Variants in DPP10 observed in about 807,000 individuals in gnomAD.
The protein encoded by DPP10 is dipeptidyl peptidase like 10.
A neutral mutation model predicts 120.9 loss-of-function variants in DPP10; 33 were observed. That is an observed-to-expected ratio of 0.27 (90% CI 0.21 to 0.37). The LOEUF (loss-of-function observed/expected upper bound fraction) is 0.37, where lower values mean the gene tolerates loss of function less well. Ranked by LOEUF, DPP10 falls within the 10% of genes least tolerant of loss-of-function variation. The pLI is 1.00. For synonymous variants in DPP10, 337 were observed against 326.1 expected (o/e 1.03, Z -0.36); for missense variants, 816 against 942.8 (o/e 0.87, Z 1.76).
intron 1 of DPP10, among the ~76,000 whole-genome samples, chr2:114,989,688 A>T (rs2104918380): frequency 6.6e-6 from 1 of 152,326 alleles, no homozygotes; most frequent in Middle Eastern, 3.4e-3. Context: ...GACTGGGGAG[A>T]TTACTTTGAA....
intron 1 of DPP10, among the ~76,000 whole-genome samples, chr2:114,553,711 A>T (rs1688066307): frequency 2.6e-5 from 4 of 152,182 alleles, no homozygotes; most frequent in Admixed American, 2.6e-4. Flanking sequence ...CAGTAGAAAC[A>T]TTTGATTTAT....
chr2:114,556,749 G>A (rs1158024511), intron 1 of DPP10, among the ~76,000 whole-genome samples: 1 of 152,142 alleles, frequency 6.6e-6, no homozygotes, highest in Non-Finnish European at 1.5e-5. Context: ...ATAGATGATG[G>A]AGTCCCAGCA....
At chr2:115,617,926 T>G (rs946801146) in intron 5 of DPP10, among the ~76,000 whole-genome samples, 6 of 152,272 alleles carry the variant, frequency 3.9e-5, no homozygotes, top group African/African-American at 1.4e-4. Flanking sequence ...ATAAAAGCCA[T>G]GTCATTGTGG....
intron 1 of DPP10, among the ~76,000 whole-genome samples, chr2:114,882,387 T>G (rs1184469856): frequency 6.6e-6 from 1 of 152,158 alleles, no homozygotes; most frequent in Non-Finnish European, 1.5e-5. Context: ...GCCATTATTC[T>G]AAGTGAAATA....
At chr2:114,986,955 T>C (rs1700437935) in intron 1 of DPP10, among the ~76,000 whole-genome samples, 3 of 152,136 alleles carry the variant, frequency 2.0e-5, no homozygotes, top group South Asian at 4.2e-4. Flanking sequence ...TTTATTATTA[T>C]TTTTAGTAAA....
At chr2:115,235,592 C>T (rs1220092101) in intron 1 of DPP10, among the ~76,000 whole-genome samples, 1 of 151,964 alleles carries the variant, frequency 6.6e-6, no homozygotes, top group Non-Finnish European at 1.5e-5. Flanking sequence ...GACCGAGTCT[C>T]ACTCTGTTGA....
At chr2:115,088,047 G>C (rs762478589) in intron 1 of DPP10, among the ~76,000 whole-genome samples, 2 of 152,170 alleles carry the variant, frequency 1.3e-5, no homozygotes, top group African/African-American at 2.4e-5. Context: ...TGTCTGGGGA[G>C]AGCCCTCTTC....
chr2:115,722,594 T>C (rs2092674507), intron 7 of DPP10, among the ~76,000 whole-genome samples: 2 of 152,056 alleles, frequency 1.3e-5, no homozygotes, highest in South Asian at 4.1e-4. Flanking sequence ...GTTACTATAT[T>C]GAATATTGTG....
chr2:114,722,547 C>A (rs186978192), intron 1 of DPP10, among the ~76,000 whole-genome samples: 2 of 151,808 alleles, frequency 1.3e-5, no homozygotes, highest in East Asian at 3.9e-4. Flanking sequence ...GAGGCCGAGG[C>A]GGGTGGATCA....
chr2:115,332,620 TTG>T (rs1216531036), intron 2 of DPP10, among the ~76,000 whole-genome samples: 1 of 152,142 alleles, frequency 6.6e-6, no homozygotes, highest in African/African-American at 2.4e-5. Context: ...TTCTGGTATG[TTG>T]TGTGTTTGTT....
chr2:115,709,039 C>T (rs2092227804), intron 7 of DPP10, among the ~76,000 whole-genome samples: 1 of 152,050 alleles, frequency 6.6e-6, no homozygotes, highest in Non-Finnish European at 1.5e-5. Flanking sequence ...TAAAACAAAC[C>T]AACACATAAA....
intron 3 of DPP10, among the ~76,000 whole-genome samples, chr2:115,444,726 T>C (rs115735382): frequency 6.6e-6 from 1 of 152,330 alleles, no homozygotes; most frequent in African/African-American, 2.4e-5. Flanking sequence ...AAGCAGAGAT[T>C]ACTGCAAGTA....
At chr2:115,425,885 A>C (rs1322353406) in intron 3 of DPP10, among the ~76,000 whole-genome samples, 1 of 152,200 alleles carries the variant, frequency 6.6e-6, no homozygotes, top group Admixed American at 6.5e-5. Flanking sequence ...GAGCCATGTC[A>C]CATGGGAAAA....
chr2:114,786,956 T>C (rs1234839471), intron 1 of DPP10, among the ~76,000 whole-genome samples: 1 of 152,124 alleles, frequency 6.6e-6, no homozygotes, highest in African/African-American at 2.4e-5. Flanking sequence ...CCGCAGCATA[T>C]TGAGCCTCTC....
At chr2:114,892,223 A>G (rs4144326) in intron 1 of DPP10, among the ~76,000 whole-genome samples, 53,977 of 151,930 alleles carry the variant, frequency 0.36, 10,113 homozygotes, top group East Asian at 0.59. Context: ...ACAAGGATAA[A>G]CCTCCAGAAA....
chr2:115,808,342 T>C (rs1686256181), intron 19 of DPP10, among the ~76,000 whole-genome samples: 1 of 152,150 alleles, frequency 6.6e-6, no homozygotes. Flanking sequence ...TGAGAAACGA[T>C]GTTCTTGAAT....
intron 1 of DPP10, among the ~76,000 whole-genome samples, chr2:114,675,154 T>C (rs1444228226): frequency 2.0e-5 from 3 of 152,160 alleles, no homozygotes; most frequent in Non-Finnish European, 4.4e-5. Context: ...CCTGATCTCT[T>C]CCTCTTGTTA....
At chr2:115,328,265 A>C (rs1229890287) in intron 2 of DPP10, among the ~76,000 whole-genome samples, 1 of 152,084 alleles carries the variant, frequency 6.6e-6, no homozygotes, top group African/African-American at 2.4e-5. Context: ...CCAAATGTGG[A>C]AAGCTTACAT....
At chr2:114,710,886 A>T (rs937396261) in intron 1 of DPP10, among the ~76,000 whole-genome samples, 5 of 152,236 alleles carry the variant, frequency 3.3e-5, no homozygotes, top group African/African-American at 1.2e-4. Flanking sequence ...GTTGTTCCAG[A>T]TGACAAAGAA....
Sources: gnomAD v4.1 joint callset for allele counts (sites outside exome capture counted in the v4.1 genomes callset) on GRCh38, gnomAD v4.1.1 for gene constraint, MANE v1.5 for transcripts, NCBI Gene and HGNC (gene_info 2026-07-23, HGNC 2026-07-21) for gene names.